DLGAP1: variants seen among roughly 807,000 people sequenced by gnomAD.
DLGAP1 encodes the protein disks large-associated protein 1.
Under a neutral mutation model 90.8 loss-of-function variants are expected in DLGAP1, and 11 were observed. The ratio of observed to expected loss-of-function variants is 0.12; its 90% confidence interval spans 0.08 to 0.20. The LOEUF (loss-of-function observed/expected upper bound fraction) is 0.20, where lower values mean the gene tolerates loss of function less well. DLGAP1 is among the 10% of genes least tolerant of loss of function. The probability of loss-of-function intolerance (pLI) is 1.00; values close to 1 mark genes in which losing one functional copy is unlikely to be tolerated. For missense variants in DLGAP1, 1,050 were observed against 1,333.8 expected, an observed-to-expected ratio of 0.79 and a Z score of 3.31; for synonymous variants, 558 against 540.7, an observed-to-expected ratio of 1.03 and a Z score of -0.44.
intron 2 of DLGAP1, among the ~76,000 whole-genome samples, chr18:4,135,790 C>CTTTTTTTTTTTTTTTTTTTTT (rs58513784): frequency 7.9e-6 from 1 of 127,348 alleles, no homozygotes. Context: ...GAATCTGATT[C>CTTTTTTTTTTTTTTTTTTTTT]TTTTTTTTTT....
intron 3 of DLGAP1, among the ~76,000 whole-genome samples, chr18:3,997,026 TTTTC>T (rs944388931): frequency 9.7e-5 from 3 of 30,846 alleles, no homozygotes; most frequent in African/African-American, 2.5e-4. Context: ...AGTTGCAGAG[TTTTC>T]TTTTTTTTTT....
intron 1 of DLGAP1, among the ~76,000 whole-genome samples, chr18:4,351,987 A>G (rs1008060266): frequency 1.3e-5 from 2 of 152,208 alleles, no homozygotes; most frequent in Non-Finnish European, 1.5e-5. Context: ...CAAATCTGGA[A>G]TAAAACCATG....
intron 7 of DLGAP1, among the ~76,000 whole-genome samples, chr18:3,628,026 G>GC (rs2058368577): frequency 3.3e-5 from 5 of 151,070 alleles, no homozygotes; most frequent in South Asian, 2.1e-4. Flanking sequence ...TTACAGGCGC[G>GC]CACCACACCT....
At chr18:4,416,548 G>C (rs1452236808) in intron 1 of DLGAP1, among the ~76,000 whole-genome samples, 2 of 152,198 alleles carry the variant, frequency 1.3e-5, no homozygotes, top group Admixed American at 6.5e-5. Context: ...TAATGAGAGA[G>C]TCAGAAGTCT....
chr18:3,740,999 T>TCACCACCACCACCACCATCAC (rs1568047450), intron 6 of DLGAP1, among the ~76,000 whole-genome samples: 2 of 21,600 alleles, frequency 9.3e-5, no homozygotes, highest in African/African-American at 2.5e-4. Context: ...CACCATCACC[T>TCACCACCACCACCACCATCAC]CACCACCACC....
intron 1 of DLGAP1, among the ~76,000 whole-genome samples, chr18:4,258,116 C>T (rs72860681): frequency 0.018 from 2,659 of 151,782 alleles, 37 homozygotes; most frequent in Non-Finnish European, 0.025. Flanking sequence ...TGCAGTGGCA[C>T]GATCACAGCT....
At chr18:3,613,934 T>C (rs1214506983) in intron 7 of DLGAP1, among the ~76,000 whole-genome samples, 1 of 152,076 alleles carries the variant, frequency 6.6e-6, no homozygotes, top group Non-Finnish European at 1.5e-5. Context: ...GTTACTTTTT[T>C]TTTTTTGAGA....
intron 1 of DLGAP1, among the ~76,000 whole-genome samples, chr18:4,203,143 C>T (rs1457041402): frequency 6.6e-6 from 1 of 151,616 alleles, no homozygotes; most frequent in African/African-American, 2.4e-5. Context: ...GGCGTGGTGG[C>T]GGGTGCCTGT....
At chr18:4,384,248 C>T (rs184729424) in intron 1 of DLGAP1, among the ~76,000 whole-genome samples, 39 of 152,278 alleles carry the variant, frequency 2.6e-4, no homozygotes, top group African/African-American at 9.1e-4. Flanking sequence ...AAGGCAACTG[C>T]ACACACTAAG....
At chr18:4,275,529 T>C (rs1340566314) in intron 1 of DLGAP1, 2 of 152,308 alleles carry the variant, frequency 1.3e-5, no homozygotes, top group Admixed American at 1.3e-4. Flanking sequence ...TTTACTTGTT[T>C]ATTATGTATA....
intron 3 of DLGAP1, among the ~76,000 whole-genome samples, chr18:3,973,458 G>A (rs1423600241): frequency 2.0e-5 from 3 of 152,158 alleles, no homozygotes; most frequent in African/African-American, 7.2e-5. Context: ...CTCCTGGTTT[G>A]GGACTCAATT....
At chr18:4,168,362 C>A (rs1261142285) in intron 1 of DLGAP1, among the ~76,000 whole-genome samples, 1 of 152,110 alleles carries the variant, frequency 6.6e-6, no homozygotes, top group East Asian at 1.9e-4. Context: ...GCAAATATTG[C>A]TGAAGCAATT....
At chr18:4,335,062 C>T (rs1052233019) in intron 1 of DLGAP1, among the ~76,000 whole-genome samples, 9 of 151,862 alleles carry the variant, frequency 5.9e-5, no homozygotes, top group Middle Eastern at 3.2e-3. Flanking sequence ...TCAAGAATCT[C>T]TCTTTAAGAA....
intron 2 of DLGAP1, among the ~76,000 whole-genome samples, chr18:4,024,835 G>A (rs1346765311): frequency 1.3e-5 from 2 of 152,174 alleles, no homozygotes; most frequent in African/African-American, 4.8e-5. Context: ...GAAGGTGATG[G>A]GCTTGCTGGG....
chr18:3,640,257 T>C (rs1027632874), intron 7 of DLGAP1, among the ~76,000 whole-genome samples: 7 of 152,214 alleles, frequency 4.6e-5, no homozygotes, highest in African/African-American at 1.4e-4. Flanking sequence ...AAGTACTATG[T>C]TGTCCTGTTC....
chr18:4,436,828 T>C (rs2083411993), intron 1 of DLGAP1, among the ~76,000 whole-genome samples: 1 of 152,202 alleles, frequency 6.6e-6, no homozygotes, highest in South Asian at 2.1e-4. Context: ...CATTGGTGTC[T>C]AACAGTGATT....
chr18:4,078,909 G>C (rs965903061), intron 2 of DLGAP1, among the ~76,000 whole-genome samples: 5 of 152,132 alleles, frequency 3.3e-5, no homozygotes, highest in East Asian at 1.9e-4. Context: ...TTATGGACTA[G>C]TTAGCATTTT....
At chr18:3,551,591 TTC>T (rs1491040788) in intron 9 of DLGAP1, among the ~76,000 whole-genome samples, 2 of 114,084 alleles carry the variant, frequency 1.8e-5, no homozygotes, top group Admixed American at 9.6e-5. Flanking sequence ...TTTTCTTTCT[TTC>T]TTTTTCTTTT....
chr18:4,260,498 G>A (rs949112915), intron 1 of DLGAP1, among the ~76,000 whole-genome samples: 4 of 152,124 alleles, frequency 2.6e-5, no homozygotes, highest in African/African-American at 9.7e-5. Context: ...CAAAGTTAAG[G>A]TGACTTATGA....
Sources: gnomAD v4.1 joint callset for allele counts (sites outside exome capture counted in the v4.1 genomes callset) on GRCh38, gnomAD v4.1.1 for gene constraint, MANE v1.5 for transcripts, NCBI Gene and HGNC (gene_info 2026-07-23, HGNC 2026-07-21) for gene names.